MMP20: variants seen among roughly 807,000 people sequenced by gnomAD.
MMP20 encodes matrix metallopeptidase 20, also known as matrix metalloproteinase-20.
MMP20 carries 50 observed loss-of-function variants against 51.8 expected under a neutral mutation model. The observed-to-expected ratio is 0.97, with a 90% CI of 0.77 to 1.22. The LOEUF is 1.22. MMP20 is among the 50% of genes most tolerant of loss of function. The pLI, the probability that MMP20 is intolerant of heterozygous loss-of-function variation, is 0.00. For missense variants in MMP20, 663 were observed against 601.4 expected (o/e 1.10, Z -1.07); for synonymous variants, 244 against 216.2 (o/e 1.13, Z -1.13).
At chr11:102,589,165 C>T (rs1234215181) in intron 8 of MMP20, among the ~76,000 whole-genome samples, 1 of 152,140 alleles carries the variant, frequency 6.6e-6, no homozygotes, top group Non-Finnish European at 1.5e-5. Context: ...TCATACTGAA[C>T]TGTTTGAGGT....
chr11:102,587,161 T>G (rs61893838), intron 8 of MMP20, among the ~76,000 whole-genome samples: 11,247 of 152,214 alleles, frequency 0.074, 533 homozygotes, highest in Non-Finnish European at 0.11. Flanking sequence ...TAATTTTCAT[T>G]TATTTCTAAG....
Position 102,579,152 on chromosome 11 carries a change from G to A in MMP20, c.1248-10C>T. 2 of 1,578,502 alleles carry A rather than the reference G, an allele frequency of 1.3e-6. No homozygotes were observed. The highest frequency in any genetic ancestry group is 1.7e-6 in the Non-Finnish European group (2 of 1,148,322). ...TTTCCTTTCGTCGTAGCTAGAAAAA[G>A]TATTATTTCATAAATAATATTACTA... is the stretch of plus-strand genomic sequence containing the variant. On this transcript the variant is annotated splice_polypyrimidine_tract_variant and intron_variant, in intron 8 of 9. Transcript: ENST00000260228.
intron 8 of MMP20, among the ~76,000 whole-genome samples, chr11:102,580,114 A>C (rs1565388011): frequency 6.6e-6 from 1 of 152,274 alleles, no homozygotes; most frequent in African/African-American, 2.4e-5. Context: ...AGCTTATATG[A>C]CTGACTGAAT....
chr11:102,588,636 G>A (rs1256395176), intron 8 of MMP20, among the ~76,000 whole-genome samples: 2 of 152,148 alleles, frequency 1.3e-5, no homozygotes, highest in East Asian at 3.8e-4. Context: ...TAAAGAAGAA[G>A]AAATATGCAT....
intron 6 of MMP20, among the ~76,000 whole-genome samples, chr11:102,603,778 A>G (rs1043967694): frequency 6.6e-6 from 1 of 152,138 alleles, no homozygotes; most frequent in Admixed American, 6.5e-5. Flanking sequence ...CCAGTAGCTC[A>G]TTGAATCTGA....
At chr11:102,586,115 G>A (rs1859251747) in intron 8 of MMP20, among the ~76,000 whole-genome samples, 1 of 152,164 alleles carries the variant, frequency 6.6e-6, no homozygotes. Flanking sequence ...TGACTTCAGT[G>A]AGTTAGGTAG....
intron 6 of MMP20, among the ~76,000 whole-genome samples, chr11:102,602,554 A>G (rs1449768523): frequency 1.3e-5 from 2 of 152,156 alleles, no homozygotes; most frequent in African/African-American, 4.8e-5. Flanking sequence ...ATTCAGGTTA[A>G]ATTTCAGTGC....
intron 7 of MMP20, 108 bp from the exon 8 acceptor site, chr11:102,593,703 T>C: frequency 4.9e-6 from 6 of 1,216,238 alleles, no homozygotes; most frequent in South Asian, 1.2e-5. Context: ...TATGGGATAC[T>C]TGCCATGGCT....
At position 102,609,902 on chromosome 11, in the gene MMP20, T is replaced by C. The variant is rs1338511893; in HGVS notation, c.649+3A>G. ...CAGGTTATGGTGAATTGTGCATATA[T>C]ACCATTCGTTCCCATAGTCCACTTC... On this transcript the variant is annotated splice_donor_region_variant and intron_variant, in intron 4 of 9. Transcript: ENST00000260228. 7 of 1,614,136 alleles carry C rather than the reference T, an allele frequency of 4.3e-6. No individual in the cohort carries two copies. Among genetic ancestry groups the C allele is most frequent in the Non-Finnish European group, 5.1e-6 (6 of 1,180,006 alleles).
chr11:102,581,190 C>T (rs1026557593), intron 8 of MMP20, among the ~76,000 whole-genome samples: 1 of 151,746 alleles, frequency 6.6e-6, no homozygotes, highest in Non-Finnish European at 1.5e-5. Flanking sequence ...CACACACACA[C>T]ACACACACAC....
chr11:102,583,351 A>G (rs984891281), intron 8 of MMP20: 18 of 152,190 alleles, frequency 1.2e-4, no homozygotes, highest in African/African-American at 3.9e-4. Flanking sequence ...GTCATTTGCC[A>G]TATGTTGACA....
At chr11:102,623,413 C>T (rs905255482) in intron 1 of MMP20, among the ~76,000 whole-genome samples, 2 of 152,158 alleles carry the variant, frequency 1.3e-5, no homozygotes, top group African/African-American at 4.8e-5. Context: ...GGAGCAGAAC[C>T]CTATTGTGAA....
intron 2 of MMP20, among the ~76,000 whole-genome samples, chr11:102,615,725 C>T (rs867648105): frequency 2.2e-4 from 33 of 152,264 alleles, no homozygotes; most frequent in African/African-American, 7.2e-4. Flanking sequence ...GGTGGGAATG[C>T]TGCCCATCAA....
chr11:102,587,479 A>T (rs1265343735), intron 8 of MMP20, among the ~76,000 whole-genome samples: 1 of 152,114 alleles, frequency 6.6e-6, no homozygotes, highest in Non-Finnish European at 1.5e-5. Context: ...GGTTTACAGT[A>T]TTGTTCAAGT....
At chr11:102,580,526 A>G (rs1483332076) in intron 8 of MMP20, among the ~76,000 whole-genome samples, 1 of 152,218 alleles carries the variant, frequency 6.6e-6, no homozygotes, top group East Asian at 1.9e-4. Flanking sequence ...ATTGAAAAAG[A>G]TGTACTCAGG....
chr11:102,601,735 A>G (rs929333817), intron 6 of MMP20, among the ~76,000 whole-genome samples: 1 of 152,144 alleles, frequency 6.6e-6, no homozygotes, highest in African/African-American at 2.4e-5. Context: ...TTCCCAACAA[A>G]TCCTCTGAAT....
At position 102,579,119 on chromosome 11, in the gene MMP20, A is replaced by ATTTACC; in HGVS notation, c.1270_1271insGGTAAA (p.Lys423_Met424insArgTer). 1 of 1,613,216 alleles carries ATTTACC rather than the reference A, an allele frequency of 6.2e-7. No individual in the cohort carries two copies. The highest frequency in any genetic ancestry group is 8.5e-7 in the Non-Finnish European group (1 of 1,179,350). ...AGTATTCTTTGGATAGTCTTTTTCC[A>ATTTACC]TTTTCCTTTTCCTTTCGTCGTAGCT... On this transcript the variant is annotated stop_gained, in exon 9 of 10. Transcript: ENST00000260228. LOFTEE classifies it high-confidence loss of function.
At chr11:102,608,621 T>C (rs1565397032) in intron 5 of MMP20, among the ~76,000 whole-genome samples, 1 of 152,188 alleles carries the variant, frequency 6.6e-6, no homozygotes, top group Non-Finnish European at 1.5e-5. Flanking sequence ...ACCACATATA[T>C]GAACTATAAA....
intron 1 of MMP20, among the ~76,000 whole-genome samples, chr11:102,624,037 C>T (rs1859784468): frequency 6.6e-6 from 1 of 152,354 alleles, no homozygotes; most frequent in South Asian, 2.1e-4. Context: ...CTGTGCTGTT[C>T]ATCTGCGGGG....
Sources: allele counts gnomAD v4.1 joint callset (sites outside exome capture counted in the v4.1 genomes callset), GRCh38; gene constraint gnomAD v4.1.1; transcripts MANE v1.5; gene names NCBI Gene and HGNC (gene_info 2026-07-23, HGNC 2026-07-21).